Variants in PIEZO2 observed in about 807,000 individuals in gnomAD.
PIEZO2 encodes piezo-type mechanosensitive ion channel component 2.
In PIEZO2, 172 loss-of-function variants were observed where a neutral mutation model predicts 337.3. The observed-to-expected ratio is 0.51, with a 90% CI of 0.45 to 0.58. The LOEUF (loss-of-function observed/expected upper bound fraction) is 0.58, where lower values mean the gene tolerates loss of function less well. PIEZO2 is among the 20% of genes least tolerant of loss of function. The pLI, the probability that PIEZO2 is intolerant of heterozygous loss-of-function variation, is 0.00. For synonymous variants in PIEZO2, 1,251 were observed against 1,228.5 expected (o/e 1.02, Z -0.38); for missense variants, 3,028 against 3,391.3 (o/e 0.89, Z 2.66).
chr18:10,768,258 G>A (rs2143948917), intron 21 of PIEZO2, among the ~76,000 whole-genome samples: 1 of 152,280 alleles, frequency 6.6e-6, no homozygotes, highest in South Asian at 2.1e-4. Flanking sequence ...GTAGGATTTT[G>A]TATTTCTTAG....
Position 10,724,931 on chromosome 18 carries a change from G to T in PIEZO2, c.5029+6476C>A. On this transcript the variant is annotated intron_variant, in intron 36 of 55. Transcript: ENST00000674853. This position sits in a 1 kb window ranked among gnomAD's most constrained non-coding sequence, Gnocchi z 5.8. ...CTGGGACAGCCTCCACCTGGACGGC[G>T]ATGGAACCCAGGTGGGCGCACCCTG... is the stretch of plus-strand genomic sequence containing the variant. 6.2e-7 allele frequency: 1 copy of T among 1,603,776 alleles called. No homozygotes were observed. The highest frequency in any genetic ancestry group is 8.5e-7 in the Non-Finnish European group (1 of 1,174,078).
intron 3 of PIEZO2, among the ~76,000 whole-genome samples, chr18:10,957,208 C>T (rs991550695): frequency 4.6e-5 from 7 of 151,562 alleles, no homozygotes; most frequent in African/African-American, 1.5e-4. Context: ...ACCAGCCTGG[C>T]GAGCATGGTA....
chr18:10,697,940 A>G, intron 44 of PIEZO2, 60 bp from the exon 45 acceptor site: 1 of 1,541,926 alleles, frequency 6.5e-7, no homozygotes, highest in Non-Finnish European at 8.7e-7. Flanking sequence ...TCACCTAAAT[A>G]TCCAAGAAGC....
chr18:11,017,772 C>A (rs2036169690), intron 2 of PIEZO2, among the ~76,000 whole-genome samples: 1 of 152,154 alleles, frequency 6.6e-6, no homozygotes, highest in African/African-American at 2.4e-5. Context: ...AGCTCAGATT[C>A]ATATCTTGAT....
At chr18:11,045,522 C>A (rs376013900) in intron 2 of PIEZO2, among the ~76,000 whole-genome samples, 2 of 152,060 alleles carry the variant, frequency 1.3e-5, no homozygotes, top group East Asian at 3.9e-4. Context: ...AAATCACACA[C>A]GAAATATAAA....
chr18:10,840,332 G>A (rs756353533), intron 7 of PIEZO2, among the ~76,000 whole-genome samples: 2 of 152,104 alleles, frequency 1.3e-5, no homozygotes, highest in African/African-American at 4.8e-5. Flanking sequence ...CTTGTGCCAT[G>A]TATGTTAATC....
intron 4 of PIEZO2, among the ~76,000 whole-genome samples, chr18:10,893,009 C>T (rs1327111094): frequency 6.6e-6 from 1 of 152,140 alleles, no homozygotes; most frequent in East Asian, 1.9e-4. Flanking sequence ...GTGGTTTCTC[C>T]CTGGGGATTT....
rs987409111 is a variant in PIEZO2, at chr18:11,028,683, T to C, written c.160+37444A>G. 6.6e-5 allele frequency among the ~76,000 whole-genome samples: 10 copies of C among 152,234 alleles called. No homozygotes were observed. Among genetic ancestry groups the C allele is most frequent in the African/African-American group, 2.4e-4 (10 of 41,458 alleles). ...AACTGTGCAGTATTAGGGATATATG[T>C]TTCCTTAGATAGATCCTCACATATT... is the stretch of plus-strand genomic sequence containing the variant. On this transcript the variant is annotated intron_variant, in intron 2 of 55. Transcript: ENST00000674853. This position sits in a 1 kb window ranked among gnomAD's most constrained non-coding sequence, Gnocchi z 4.8.
At chr18:10,998,380 T>A (rs2035408244) in intron 2 of PIEZO2, among the ~76,000 whole-genome samples, 1 of 151,002 alleles carries the variant, frequency 6.6e-6, no homozygotes, top group African/African-American at 2.4e-5. Flanking sequence ...ACACACACAC[T>A]CCTTAATTAC....
intron 45 of PIEZO2, among the ~76,000 whole-genome samples, chr18:10,696,776 C>T (rs892405764): frequency 6.6e-6 from 1 of 152,220 alleles, no homozygotes. Flanking sequence ...GGCACCACAG[C>T]CCTCTCCTCT....
At position 10,681,662 on chromosome 18, in the gene PIEZO2, G is replaced by C. The variant is rs781039883; in HGVS notation, c.7778C>G (p.Thr2593Ser). 2 of 1,581,010 alleles carry C rather than the reference G, an allele frequency of 1.3e-6. No individual in the cohort carries two copies. The highest frequency in any genetic ancestry group is 1.7e-6 in the Non-Finnish European group (2 of 1,150,142). Residue 2593 changes from threonine (T) to serine (S), a missense_variant and splice_region_variant, in exon 51 of 56, where the codon ACC becomes AGC. Around this residue, in one of 5 missense-constraint regions of PIEZO2, gnomAD observed 332 missense variants for 363.8 expected, o/e 0.91. Transcript: ENST00000674853. ...AATCTACTATAGGGATTTACTTACG[G>C]TGTCCCTAGAAAAAGCTTGTATAAA... ...NKFIQAFSRD[T>S]GAMQFLENYE...
Position 11,101,964 on chromosome 18 carries a change from T to A in PIEZO2, c.65-35742A>T, listed in dbSNP as rs2039433532. Among the ~76,000 whole-genome samples, 1 of 152,234 alleles carries A rather than the reference T, an allele frequency of 6.6e-6. No homozygotes were observed. The highest frequency in any genetic ancestry group is 6.5e-5 in the Admixed American group (1 of 15,294). On this transcript the variant is annotated intron_variant, in intron 1 of 55. Coordinates refer to ENST00000674853, the MANE Select transcript of PIEZO2 (RefSeq NM_001378183.1). The surrounding 1 kb of genome is among the most constrained non-coding windows in gnomAD (Gnocchi z 4.4). Reference sequence around the variant, plus strand: ...TTTAGTTTTTAAACCTCTGACTGTATATTCTGATGGACCAAAAAACATAAA... The same window carrying A: ...TTTAGTTTTTAAACCTCTGACTGTAAATTCTGATGGACCAAAAAACATAAA...
chr18:11,079,285 A>G (rs189260185), intron 1 of PIEZO2, among the ~76,000 whole-genome samples: 81 of 152,324 alleles, frequency 5.3e-4, no homozygotes, highest in Middle Eastern at 3.4e-3. Flanking sequence ...ACTTCCAAAA[A>G]GTAGGTATGA....
At position 11,021,395 on chromosome 18, in the gene PIEZO2, A is replaced by G. The variant is rs989615478; in HGVS notation, c.161-41735T>C. ...TTCTACAAAAGCATCCCACTCTTGT[A>G]TTCCATGCAACCTGCGTGTGTCTGA... On this transcript the variant is annotated intron_variant, in intron 2 of 55. Coordinates refer to ENST00000674853, the MANE Select transcript of PIEZO2 (RefSeq NM_001378183.1). This position sits in a 1 kb window ranked among gnomAD's most constrained non-coding sequence, Gnocchi z 4.7. Among the ~76,000 whole-genome samples, 7 of 152,086 alleles carry G rather than the reference A, an allele frequency of 4.6e-5. No homozygotes were observed. In the East Asian group the frequency reaches 1.4e-3, roughly 29 times the overall value.
intron 3 of PIEZO2, among the ~76,000 whole-genome samples, chr18:10,975,646 C>T (rs1216261024): frequency 6.6e-6 from 1 of 152,138 alleles, no homozygotes; most frequent in Non-Finnish European, 1.5e-5. Flanking sequence ...TTCAATGACT[C>T]AATATTTATA....
At chr18:10,864,352 A>G (rs1481862355) in intron 5 of PIEZO2, among the ~76,000 whole-genome samples, 2 of 152,064 alleles carry the variant, frequency 1.3e-5, no homozygotes, top group Admixed American at 6.6e-5. Flanking sequence ...TTTCTGAGGG[A>G]CCCCAGTAGT....
rs2034140391 is a variant in PIEZO2, at chr18:10,969,244, G to A, written c.286+10291C>T. On this transcript the variant is annotated intron_variant, in intron 3 of 55. Coordinates refer to ENST00000674853, the MANE Select transcript of PIEZO2 (RefSeq NM_001378183.1). The surrounding 1 kb of genome is among the most constrained non-coding windows in gnomAD (Gnocchi z 4.5). ...ACGGACTTGCGTTAGTGCTTTTATT[G>A]TAAATAATTTACACTAGAAATGCTG... 6.6e-6 allele frequency among the ~76,000 whole-genome samples: 1 copy of A among 152,134 alleles called. No individual in the cohort carries two copies. The highest frequency in any genetic ancestry group is 1.5e-5 in the Non-Finnish European group (1 of 68,026).
At position 10,671,419 on chromosome 18, in the gene PIEZO2, GAAAC is replaced by G; in HGVS notation, c.*104_*107del. The stretch of plus-strand genomic sequence containing the variant: ...CTCCTTTTGTCTACCTATCAGAAGA[GAAAC>G]AAACCATTTCCGTCGAACTAGAAAT... On this transcript the variant is annotated 3_prime_UTR_variant, in exon 56 of 56. Transcript: ENST00000674853. 1 of 1,253,470 alleles carries G rather than the reference GAAAC, an allele frequency of 8.0e-7. No individual in the cohort carries two copies. The highest frequency in any genetic ancestry group is 1.1e-6 in the Non-Finnish European group (1 of 928,182). 77.6% of individuals were successfully genotyped at this position (1,253,470 alleles called of 1,614,324 possible).
rs961660211 is a variant in PIEZO2 at position 11,002,493 on chromosome 18, C to T, written c.161-22833G>A. ...CAGTGTTGACCCATTTGCAACACAT[C>T]GTAAACACCAGCACTCACTGTGTGC... On this transcript the variant is annotated intron_variant, in intron 2 of 55. Transcript: ENST00000674853. The surrounding 1 kb of genome is among the most constrained non-coding windows in gnomAD (Gnocchi z 4.3). Among the ~76,000 whole-genome samples the T allele has an allele frequency of 3.9e-5, 6 of 152,198 alleles. No individual in the cohort carries two copies. The highest frequency in any genetic ancestry group is 1.2e-4 in the African/African-American group (5 of 41,454).
Sources: gnomAD v4.1 joint callset for allele counts (sites outside exome capture counted in the v4.1 genomes callset) on GRCh38, gnomAD v4.1.1 for gene constraint, gnomAD v4.1.1 regional missense constraint, Gnocchi (gnomAD v3.1) non-coding constraint, MANE v1.5 for transcripts, NCBI Gene and HGNC (gene_info 2026-07-23, HGNC 2026-07-21) for gene names.